MYOCD: variants seen among roughly 807,000 people sequenced by gnomAD.
MYOCD encodes myocardin.
Under a neutral mutation model 96.1 loss-of-function variants are expected in MYOCD, and 32 were observed. The ratio of observed to expected loss-of-function variants is 0.33; its 90% confidence interval spans 0.25 to 0.45. The LOEUF (loss-of-function observed/expected upper bound fraction) is 0.45, where lower values mean the gene tolerates loss of function less well. Among genes scored for constraint, MYOCD ranks in the 20% least tolerant of loss-of-function variants. MYOCD has a pLI of 1.00. For synonymous variants in MYOCD, 469 were observed against 469.0 expected (o/e 1.00, Z 0.00); for missense variants, 1,133 against 1,200.6 (o/e 0.94, Z 0.83).
At chr17:12,742,109 G>A (rs1405244909) in intron 7 of MYOCD, among the ~76,000 whole-genome samples, 2 of 152,078 alleles carry the variant, frequency 1.3e-5, no homozygotes, top group African/African-American at 4.8e-5. Flanking sequence ...AGAATGAGGC[G>A]ACAACAGCAG....
chr17:12,715,618 A>G, intron 3 of MYOCD, 44 bp downstream of exon 3: 1 of 1,494,100 alleles, frequency 6.7e-7, no homozygotes, highest in South Asian at 1.1e-5. Context: ...ACTATAGGTT[A>G]TGAATCTCTG....
intron 2 of MYOCD, among the ~76,000 whole-genome samples, chr17:12,712,793 T>C (rs1372258194): frequency 6.6e-6 from 1 of 152,138 alleles, no homozygotes; most frequent in African/African-American, 2.4e-5. Context: ...ACATGGACTT[T>C]TTTAAAAATT....
intron 1 of MYOCD, among the ~76,000 whole-genome samples, chr17:12,677,578 G>A (rs903952273): frequency 1.7e-4 from 26 of 151,772 alleles, no homozygotes; most frequent in Non-Finnish European, 2.5e-4. Context: ...CGGGCATGGT[G>A]GCGGGCACCT....
chr17:12,727,560 G>C (rs1255101582), intron 5 of MYOCD, among the ~76,000 whole-genome samples: 1 of 152,038 alleles, frequency 6.6e-6, no homozygotes, highest in Non-Finnish European at 1.5e-5. Flanking sequence ...CCCTGTCCAC[G>C]TGCCTTTCCA....
chr17:12,724,476 G>A (rs1432106018), intron 5 of MYOCD, among the ~76,000 whole-genome samples: 2 of 152,014 alleles, frequency 1.3e-5, no homozygotes, highest in African/African-American at 4.8e-5. Flanking sequence ...TCTGTCACAG[G>A]TATCTCACAT....
intron 13 of MYOCD, chr17:12,762,619 G>C (rs2033209761): frequency 6.4e-6 from 1 of 155,730 alleles, no homozygotes; most frequent in Non-Finnish European, 1.4e-5. Context: ...AGAGTTTTCA[G>C]TAGATGAGGG....
intron 7 of MYOCD, among the ~76,000 whole-genome samples, chr17:12,741,639 G>T (rs900670056): frequency 6.6e-6 from 1 of 151,890 alleles, no homozygotes; most frequent in Non-Finnish European, 1.5e-5. Context: ...AACCCAGGAG[G>T]GGGTGGTGGC....
chr17:12,673,990 G>C (rs1235277892), intron 1 of MYOCD, among the ~76,000 whole-genome samples: 2 of 151,802 alleles, frequency 1.3e-5, no homozygotes, highest in Non-Finnish European at 2.9e-5. Context: ...CTGCTATTTA[G>C]GGACCACGTG....
chr17:12,701,241 G>A (rs1028900493), intron 1 of MYOCD, among the ~76,000 whole-genome samples: 22 of 151,912 alleles, frequency 1.4e-4, no homozygotes, highest in African/African-American at 3.9e-4. Flanking sequence ...GCGAAACCTC[G>A]TCTCTACTAA....
At chr17:12,692,881 A>C (rs2030526317) in intron 1 of MYOCD, among the ~76,000 whole-genome samples, 1 of 152,150 alleles carries the variant, frequency 6.6e-6, no homozygotes, top group African/African-American at 2.4e-5. Flanking sequence ...ATTAACAACA[A>C]ATAATAGTTA....
chr17:12,722,883 TGAA>T lies in MYOCD; in HGVS notation c.292_294del (p.Lys98del). ...GAGAGGTCCATTCCAACTGCTCAGA[TGAA>T]GCTGAAAAGAGCCCGACTCGCCGAT... On this transcript the variant is annotated inframe_deletion, in exon 5 of 14. Transcript: ENST00000425538. The T allele has an allele frequency of 1.2e-6, 2 of 1,613,972 alleles. No individual in the cohort carries two copies. Among genetic ancestry groups the T allele is most frequent in the Admixed American group, 1.7e-5 (1 of 60,004 alleles).
At chr17:12,685,508 C>T (rs139910819) in intron 1 of MYOCD, among the ~76,000 whole-genome samples, 6 of 150,516 alleles carry the variant, frequency 4.0e-5, no homozygotes, top group African/African-American at 9.8e-5. Flanking sequence ...CGGGAGGCTG[C>T]GGCAGGAGAA....
intron 5 of MYOCD, among the ~76,000 whole-genome samples, chr17:12,731,775 G>C (rs2032178623): frequency 6.6e-6 from 1 of 152,160 alleles, no homozygotes; most frequent in African/African-American, 2.4e-5. Context: ...GGCCTTGTGG[G>C]CCACACCGAA....
intron 9 of MYOCD, among the ~76,000 whole-genome samples, chr17:12,751,710 A>C (rs2032857464): frequency 6.6e-6 from 1 of 152,216 alleles, no homozygotes; most frequent in Non-Finnish European, 1.5e-5. Context: ...GGAGTGATTG[A>C]TCACTGAGTT....
At position 12,768,110 on chromosome 17, in the gene MYOCD, G is replaced by A. The variant is rs1306406547; in HGVS notation, c.*4466G>A. On this transcript the variant is annotated 3_prime_UTR_variant, in exon 14 of 14. Transcript: ENST00000425538. The stretch of plus-strand genomic sequence containing the variant: ...TTTCTCATAAATCCAATATAAATTT[G>A]TAGGTTGGTTCAGGGTCAAAATTGC... The A allele has an allele frequency of 6.6e-6, 1 of 152,146 alleles. No homozygotes were observed. The highest frequency in any genetic ancestry group is 2.4e-5 in the African/African-American group (1 of 41,434). 9.4% of individuals were successfully genotyped at this position (152,146 alleles called of 1,614,324 possible).
At chr17:12,731,704 G>A (rs1354959363) in intron 5 of MYOCD, among the ~76,000 whole-genome samples, 1 of 152,110 alleles carries the variant, frequency 6.6e-6, no homozygotes, top group Admixed American at 6.5e-5. Context: ...CAACTGTCAC[G>A]CTATCCCTGA....
At chr17:12,667,418 C>T (rs60545652) in intron 1 of MYOCD, among the ~76,000 whole-genome samples, 40,145 of 152,074 alleles carry the variant, frequency 0.26, 8,307 homozygotes, top group African/African-American at 0.58. Flanking sequence ...GGGATGAGTC[C>T]GCCAGCCACT....
intron 5 of MYOCD, among the ~76,000 whole-genome samples, chr17:12,732,339 A>G (rs12453968): frequency 0.015 from 2,331 of 152,072 alleles, 102 homozygotes; most frequent in Admixed American, 0.1. Context: ...TCTCGTCCAC[A>G]CGCCCCATCC....
chr17:12,750,274 G>C (rs983859373), intron 9 of MYOCD, among the ~76,000 whole-genome samples: 28 of 152,324 alleles, frequency 1.8e-4, no homozygotes, highest in African/African-American at 6.3e-4. Context: ...TGAAGATTCT[G>C]ATTTAGGTCT....
Sources: gnomAD v4.1 joint callset for allele counts (sites outside exome capture counted in the v4.1 genomes callset) on GRCh38, gnomAD v4.1.1 for gene constraint, MANE v1.5 for transcripts, NCBI Gene and HGNC (gene_info 2026-07-23, HGNC 2026-07-21) for gene names.